ATR: variants seen among roughly 807,000 people sequenced by gnomAD.
The protein encoded by ATR is ATR checkpoint kinase, also known as serine/threonine-protein kinase ATR.
A neutral mutation model predicts 305.3 loss-of-function variants in ATR; 142 were observed. The ratio of observed to expected loss-of-function variants is 0.47; its 90% confidence interval spans 0.41 to 0.53. The LOEUF (loss-of-function observed/expected upper bound fraction) is 0.53. ATR is among the 20% of genes least tolerant of loss of function. The pLI, the probability that ATR is intolerant of heterozygous loss-of-function variation, is 0.00. For missense variants in ATR, 2,135 were observed against 3,133.1 expected, an observed-to-expected ratio of 0.68 and a Z score of 7.60; for synonymous variants, 1,050 against 1,068.1, an observed-to-expected ratio of 0.98 and a Z score of 0.33.
chr3:142,517,584 T>C (rs914158081), intron 24 of ATR, among the ~76,000 whole-genome samples: 1 of 152,174 alleles, frequency 6.6e-6, no homozygotes, highest in Non-Finnish European at 1.5e-5. Context: ...CCAATTTCAA[T>C]AAGCAGATCC....
intron 2 of ATR, among the ~76,000 whole-genome samples, chr3:142,567,050 A>T (rs1047947834): frequency 1.3e-5 from 2 of 152,144 alleles, no homozygotes; most frequent in Non-Finnish European, 2.9e-5. Flanking sequence ...AGCCAACACT[A>T]CAGTCTTATC....
In ATR at chr3:142,459,276, G is replaced by C. The variant is rs33972295; in HGVS notation, c.7300C>G (p.Pro2434Ala). ...CTCAGAAACCACTCATGAAAAATAG[G>C]AGGATGCCTGGGCAGGAGAAATTCT... ...FREFLLPRHP[P>A]IFHEWFLRTF... Residue 2434 changes from proline to alanine, a missense_variant, in exon 43 of 47, where the codon CCT becomes GCT. This residue lies in a region of ATR where 462 missense variants were observed against 887.6 expected (regional missense o/e 0.52). Coordinates refer to ENST00000350721, the MANE Select transcript of ATR (RefSeq NM_001184.4). The C allele has an allele frequency of 2.2e-3, 3,631 of 1,613,982 alleles. 63 individuals carry two copies. In the African/African-American group the frequency reaches 0.042, roughly 19 times the overall value.
intron 18 of ATR, among the ~76,000 whole-genome samples, chr3:142,540,029 G>C (rs1317965581): frequency 2.6e-5 from 4 of 152,078 alleles, no homozygotes; most frequent in Non-Finnish European, 5.9e-5. Context: ...TGTGCCACAA[G>C]AGAAGCACAA....
intron 32 of ATR, among the ~76,000 whole-genome samples, chr3:142,497,420 G>C (rs1009568992): frequency 1.3e-5 from 2 of 152,010 alleles, no homozygotes; most frequent in Non-Finnish European, 2.9e-5. Flanking sequence ...AGCCAGGCAT[G>C]GTAGCGTGCA....
intron 46 of ATR, chr3:142,450,254 C>A (rs938420936): frequency 8.6e-6 from 6 of 696,252 alleles, no homozygotes; most frequent in Non-Finnish European, 1.6e-5. Context: ...ATAACCCCTA[C>A]AACAGCCAAC....
intron 7 of ATR, chr3:142,559,031 T>C (rs957462095): frequency 1.6e-6 from 1 of 639,604 alleles, no homozygotes; most frequent in Non-Finnish European, 2.6e-6. Context: ...TAAAAAACTT[T>C]GAAGTTATAA....
intron 45 of ATR, among the ~76,000 whole-genome samples, chr3:142,455,709 T>TAC (rs1349829540): frequency 6.6e-6 from 1 of 152,248 alleles, no homozygotes; most frequent in African/African-American, 2.4e-5. Flanking sequence ...TATGGACCCC[T>TAC]ACCTTACACC....
chr3:142,553,817 T>C lies in ATR; in HGVS notation c.2532+8A>G, dbSNP rs553507944. On this transcript the variant is annotated splice_region_variant and intron_variant, in intron 11 of 46. Coordinates refer to ENST00000350721, the MANE Select transcript of ATR (RefSeq NM_001184.4). ...TAAACTCAAATGTTAAAAACAAAAA[T>C]TATCAACCTCCTTTATAAATCCATC... 19 of 1,613,284 alleles carry C rather than the reference T, an allele frequency of 1.2e-5. No homozygotes were observed. The South Asian group carries it at 2.1e-4, about 18-fold the overall frequency.
intron 27 of ATR, among the ~76,000 whole-genome samples, chr3:142,510,789 A>G (rs1170884001): frequency 6.6e-6 from 1 of 151,818 alleles, no homozygotes; most frequent in Non-Finnish European, 1.5e-5. Context: ...ATAACCATCC[A>G]CTTATTGCCA....
intron 16 of ATR, among the ~76,000 whole-genome samples, chr3:142,544,812 C>G (rs1023688498): frequency 3.9e-5 from 6 of 152,044 alleles, no homozygotes; most frequent in Non-Finnish European, 8.8e-5. Flanking sequence ...TCCTACAAGT[C>G]TCTCCAGATT....
intron 1 of ATR, among the ~76,000 whole-genome samples, chr3:142,569,488 T>C (rs2035189728): frequency 6.6e-6 from 1 of 151,944 alleles, no homozygotes; most frequent in South Asian, 2.1e-4. Context: ...ACCCAGCTAA[T>C]TTTTTGTATT....
intron 17 of ATR, among the ~76,000 whole-genome samples, 160 bp from the exon 18 acceptor site, chr3:142,541,194 T>A (rs1005153536): frequency 3.3e-5 from 5 of 152,214 alleles, no homozygotes; most frequent in Non-Finnish European, 7.3e-5. Flanking sequence ...TTTGTCCAAT[T>A]GCTTATGTCT....
chr3:142,455,164 G>T (rs943242809), intron 45 of ATR, among the ~76,000 whole-genome samples: 4 of 151,764 alleles, frequency 2.6e-5, no homozygotes. Context: ...ATTCCATTTA[G>T]AATAAAATCA....
intron 21 of ATR, among the ~76,000 whole-genome samples, chr3:142,531,787 G>A (rs1160136489): frequency 6.6e-6 from 1 of 152,130 alleles, no homozygotes; most frequent in African/African-American, 2.4e-5. Flanking sequence ...GGGATGGCTG[G>A]GTCAAATGGT....
At position 142,457,593 on chromosome 3, in the gene ATR, T is replaced by C. The variant is rs558955623; in HGVS notation, c.7655+11A>G. Reference sequence around the variant, plus strand: ...TTACTGTTAAATTATTTACAAAGTATAGGTGATTACCTCATTAAAGGCTCT... The same window carrying C: ...TTACTGTTAAATTATTTACAAAGTACAGGTGATTACCTCATTAAAGGCTCT... On this transcript the variant is annotated intron_variant, in intron 45 of 46. Transcript: ENST00000350721. 2.5e-6 allele frequency: 4 copies of C among 1,613,878 alleles called. No homozygotes were observed. The highest frequency in any genetic ancestry group is 3.4e-6 in the Non-Finnish European group (4 of 1,179,878).
intron 19 of ATR, among the ~76,000 whole-genome samples, chr3:142,537,559 A>G (rs919758312): frequency 3.9e-5 from 6 of 152,206 alleles, no homozygotes; most frequent in Non-Finnish European, 8.8e-5. Context: ...AAATAAAAGT[A>G]TTTTAACTAA....
chr3:142,528,873 A>ATTTTTTTTTTTTTTTT (rs1559966998), intron 21 of ATR, among the ~76,000 whole-genome samples: 1 of 48,644 alleles, frequency 2.1e-5, no homozygotes, highest in African/African-American at 1.4e-4. Context: ...ATATATATAT[A>ATTTTTTTTTTTTTTTT]TATATATTTT....
rs115619027 is a variant in ATR at position 142,502,631 on chromosome 3, A to G, written c.5288+731T>C. Among the ~76,000 whole-genome samples, 1,377 of 152,296 alleles carry G rather than the reference A, an allele frequency of 9.0e-3. 12 individuals are homozygous for G. Among genetic ancestry groups the G allele is most frequent in the Non-Finnish European group, 0.014 (955 of 68,016 alleles). On this transcript the variant is annotated intron_variant, in intron 30 of 46. Coordinates refer to ENST00000350721, the MANE Select transcript of ATR (RefSeq NM_001184.4). The stretch of plus-strand genomic sequence containing the variant: ...AGAATCTAAAATAAAAGTTGAAAAA[A>G]AAGAGAAAGAAAAACTTGGCTTCAG...
intron 36 of ATR, among the ~76,000 whole-genome samples, chr3:142,473,765 T>C (rs910071546): frequency 6.6e-6 from 1 of 151,844 alleles, no homozygotes; most frequent in Non-Finnish European, 1.5e-5. Flanking sequence ...TGGCTGATCT[T>C]GAACTCCTGA....
Sources: allele counts gnomAD v4.1 joint callset (sites outside exome capture counted in the v4.1 genomes callset), GRCh38; gene constraint gnomAD v4.1.1; regional missense constraint gnomAD v4.1.1; transcripts MANE v1.5; gene names NCBI Gene and HGNC (gene_info 2026-07-23, HGNC 2026-07-21).